The following FBXO4 variants were observed in gnomAD, a reference collection of about 807,000 sequenced individuals.
FBXO4 encodes F-box protein 4.
In FBXO4, 36 loss-of-function variants were observed where a neutral mutation model predicts 43.7. The ratio of observed to expected loss-of-function variants is 0.82; its 90% CI spans 0.63 to 1.09. The LOEUF is 1.09. Among genes scored for constraint, FBXO4 ranks in the 50% least tolerant of loss-of-function variants. The probability of loss-of-function intolerance (pLI) is 0.00; values close to 1 mark genes in which losing one functional copy is unlikely to be tolerated. For missense variants in FBXO4, 435 were observed against 474.1 expected, an observed-to-expected ratio of 0.92 and a Z score of 0.77; for synonymous variants, 180 against 165.6, an observed-to-expected ratio of 1.09 and a Z score of -0.67.
chr5:41,965,616 G>C, the FBXO4 span, among the ~76,000 whole-genome samples: 13 of 152,114 alleles, frequency 8.5e-5, no homozygotes, highest in Non-Finnish European at 1.8e-4. Context: ...ACCACAATGA[G>C]ATACCATCTC....
chr5:42,031,641 A>G, the FBXO4 span, among the ~76,000 whole-genome samples: 3 of 152,076 alleles, frequency 2.0e-5, no homozygotes, highest in Non-Finnish European at 4.4e-5. Flanking sequence ...AACAAACAAA[A>G]AAAGAAAGGT....
chr5:41,940,125 A>G (rs778471175), intron 6 of FBXO4, among the ~76,000 whole-genome samples: 3 of 151,938 alleles, frequency 2.0e-5, no homozygotes, highest in Middle Eastern at 3.2e-3. Context: ...TGCTGGGATT[A>G]CAGGTGTGAG....
intron 2 of FBXO4, among the ~76,000 whole-genome samples, chr5:41,927,962 T>G (rs1339751332): frequency 6.6e-6 from 1 of 152,356 alleles, no homozygotes; most frequent in East Asian, 1.9e-4. Context: ...AAACTCAAAT[T>G]TAACGCATTA....
the FBXO4 span, among the ~76,000 whole-genome samples, chr5:42,011,685 A>G: frequency 6.6e-6 from 1 of 152,204 alleles, no homozygotes; most frequent in Non-Finnish European, 1.5e-5. Flanking sequence ...GGATAACTCT[A>G]AGGAAGGGTT....
the FBXO4 span, among the ~76,000 whole-genome samples, chr5:41,950,217 G>A: frequency 6.6e-6 from 1 of 152,114 alleles, no homozygotes; most frequent in East Asian, 1.9e-4. Context: ...AGACAAATGG[G>A]ATCTAGTTAA....
intron 1 of FBXO4, among the ~76,000 whole-genome samples, chr5:41,926,207 T>G (rs1436908636): frequency 6.6e-6 from 1 of 152,172 alleles, no homozygotes; most frequent in Non-Finnish European, 1.5e-5. Flanking sequence ...AGCTGCAGGT[T>G]TAGAATGCCT....
the FBXO4 span, among the ~76,000 whole-genome samples, chr5:41,955,804 G>C: frequency 6.6e-6 from 1 of 152,052 alleles, no homozygotes; most frequent in Non-Finnish European, 1.5e-5. Flanking sequence ...AGAATGAAAG[G>C]AAATAATACC....
chr5:41,955,528 G>C, the FBXO4 span, among the ~76,000 whole-genome samples: 5 of 152,312 alleles, frequency 3.3e-5, no homozygotes, highest in Admixed American at 2.6e-4. Flanking sequence ...ATACCCTAGA[G>C]TTTCTAGGTC....
the FBXO4 span, among the ~76,000 whole-genome samples, chr5:42,012,115 T>C: frequency 6.6e-6 from 1 of 152,148 alleles, no homozygotes; most frequent in African/African-American, 2.4e-5. Flanking sequence ...TCAATATTAG[T>C]AGGAACTCTG....
the FBXO4 span, among the ~76,000 whole-genome samples, chr5:42,013,293 G>C: frequency 4.3e-3 from 649 of 152,164 alleles, 7 homozygotes; most frequent in African/African-American, 0.015. Flanking sequence ...AAGAAAGATT[G>C]TTAGGAAAGA....
chr5:42,003,299 T>C, the FBXO4 span, among the ~76,000 whole-genome samples: 1 of 152,214 alleles, frequency 6.6e-6, no homozygotes, highest in Non-Finnish European at 1.5e-5. Context: ...GGATGCAGTG[T>C]TGTAATTGGC....
At chr5:42,034,592 T>C in the FBXO4 span, among the ~76,000 whole-genome samples, 1 of 152,182 alleles carries the variant, frequency 6.6e-6, no homozygotes, top group Admixed American at 6.5e-5. Context: ...GGCTAGATTG[T>C]TTTCCCAGCA....
chr5:42,001,052 A>C, the FBXO4 span, among the ~76,000 whole-genome samples: 3 of 152,162 alleles, frequency 2.0e-5, no homozygotes, highest in East Asian at 5.8e-4. Context: ...TGTTTTGGTT[A>C]TTAAGGCTCT....
At chr5:41,980,650 G>GT in the FBXO4 span, among the ~76,000 whole-genome samples, 1 of 151,558 alleles carries the variant, frequency 6.6e-6, no homozygotes, top group Non-Finnish European at 1.5e-5. Flanking sequence ...ACGTTTTATG[G>GT]GTTTTTTTTT....
the FBXO4 span, among the ~76,000 whole-genome samples, chr5:41,957,535 G>T: frequency 6.7e-6 from 1 of 149,912 alleles, no homozygotes; most frequent in Non-Finnish European, 1.5e-5. Flanking sequence ...TTAGCATAAT[G>T]AATCCATCAA....
chr5:42,018,386 G>A, the FBXO4 span, among the ~76,000 whole-genome samples: 3 of 151,910 alleles, frequency 2.0e-5, no homozygotes, highest in Non-Finnish European at 4.4e-5. Flanking sequence ...GTGCAAAAAT[G>A]CTGATAAAAT....
chr5:41,948,270 A>G, the FBXO4 span, among the ~76,000 whole-genome samples: 3 of 151,496 alleles, frequency 2.0e-5, no homozygotes, highest in Non-Finnish European at 4.4e-5. Context: ...CAAGTAGCTG[A>G]GACTACAGGC....
At chr5:41,999,032 C>A in the FBXO4 span, among the ~76,000 whole-genome samples, 1 of 138,912 alleles carries the variant, frequency 7.2e-6, no homozygotes, top group Admixed American at 7.4e-5. Flanking sequence ...CATATATGGA[C>A]CACATATGGT....
intron 3 of FBXO4, among the ~76,000 whole-genome samples, chr5:41,931,443 C>A (rs984669236): frequency 1.6e-4 from 24 of 152,132 alleles, no homozygotes; most frequent in African/African-American, 5.8e-4. Flanking sequence ...ACAGTAAGAT[C>A]TGTATAGGGA....
Sources: allele counts gnomAD v4.1 joint callset (sites outside exome capture counted in the v4.1 genomes callset), GRCh38; gene constraint gnomAD v4.1.1; transcripts MANE v1.5; gene names NCBI Gene and HGNC (gene_info 2026-07-23, HGNC 2026-07-21).